The following EHMT1 variants were observed in gnomAD, a reference collection of about 807,000 sequenced individuals.
EHMT1 encodes euchromatic histone lysine methyltransferase 1.
EHMT1 carries 15 observed loss-of-function variants against 147.2 expected under a neutral mutation model. The observed-to-expected ratio is 0.10, with a 90% confidence interval of 0.07 to 0.16. EHMT1 has a LOEUF of 0.16. EHMT1 is among the 10% of genes least tolerant of loss of function. The pLI is 1.00. For missense variants in EHMT1, 1,587 were observed against 1,772.4 expected (o/e 0.90, Z 1.88); for synonymous variants, 795 against 709.6 (o/e 1.12, Z -1.91).
At chr9:137,668,614 G>A (rs1179970306) in intron 1 of EHMT1, among the ~76,000 whole-genome samples, 2 of 151,980 alleles carry the variant, frequency 1.3e-5, no homozygotes, top group Non-Finnish European at 2.9e-5. Flanking sequence ...GTTCCTTCCC[G>A]TGTCCCCCAC....
At chr9:137,682,347 C>G (rs74370409) in intron 1 of EHMT1, among the ~76,000 whole-genome samples, 1,648 of 152,190 alleles carry the variant, frequency 0.011, 15 homozygotes, top group Middle Eastern at 0.02. Flanking sequence ...GTTTTTTCCC[C>G]CCAGTACCAA....
chr9:137,789,370 T>C (rs1459393553), intron 15 of EHMT1: 1 of 152,412 alleles, frequency 6.6e-6, no homozygotes, highest in African/African-American at 2.4e-5. Context: ...TTCACCAGGA[T>C]TTTTGGGGTC....
At chr9:137,683,363 G>A (rs557245878) in intron 1 of EHMT1, among the ~76,000 whole-genome samples, 1 of 152,260 alleles carries the variant, frequency 6.6e-6, no homozygotes, top group African/African-American at 2.4e-5. Flanking sequence ...ATAAGGCTGG[G>A]AGGGGGAGTA....
At chr9:137,711,100 T>C in intron 2 of EHMT1, 70 bp downstream of exon 2, 1 of 1,478,874 alleles carries the variant, frequency 6.8e-7, no homozygotes, top group Non-Finnish European at 9.2e-7. Context: ...CTGCTCTTCC[T>C]CTCTTATTAG....
At chr9:137,657,427 G>A (rs1308394423) in intron 1 of EHMT1, among the ~76,000 whole-genome samples, 1 of 152,040 alleles carries the variant, frequency 6.6e-6, no homozygotes, top group Non-Finnish European at 1.5e-5. Context: ...AGGATGAGAG[G>A]GTGGTGGTTT....
intron 25 of EHMT1, among the ~76,000 whole-genome samples, chr9:137,821,301 G>A (rs1267579281): frequency 2.1e-5 from 3 of 145,300 alleles, no homozygotes; most frequent in Non-Finnish European, 4.5e-5. Context: ...TTACAGGCAT[G>A]AGCCACTGCG....
intron 1 of EHMT1, among the ~76,000 whole-genome samples, chr9:137,632,019 G>T (rs1843663171): frequency 6.6e-6 from 1 of 152,216 alleles, no homozygotes; most frequent in Non-Finnish European, 1.5e-5. Context: ...CTTACCTGCA[G>T]TAACGCGCTG....
intron 1 of EHMT1, among the ~76,000 whole-genome samples, chr9:137,670,035 T>G (rs1426684636): frequency 6.6e-6 from 1 of 152,124 alleles, no homozygotes; most frequent in Non-Finnish European, 1.5e-5. Context: ...TGTTTTTGTA[T>G]TTTTAGTAGA....
At chr9:137,779,305 G>C (rs1951194794) in intron 13 of EHMT1, among the ~76,000 whole-genome samples, 2 of 152,254 alleles carry the variant, frequency 1.3e-5, no homozygotes, top group Non-Finnish European at 2.9e-5. Flanking sequence ...GCTGAGCGTA[G>C]ATGAGGTTCC....
intron 1 of EHMT1, chr9:137,641,319 C>CA (rs1778667067): frequency 2.1e-6 from 1 of 468,664 alleles, no homozygotes; most frequent in Admixed American, 2.5e-5. Context: ...GACTCTCATT[C>CA]AGATGAAATT....
chr9:137,752,027 G>A (rs991445126), intron 6 of EHMT1, among the ~76,000 whole-genome samples: 11 of 152,216 alleles, frequency 7.2e-5, no homozygotes, highest in African/African-American at 2.7e-4. Context: ...AGCACCCAGC[G>A]GGTGAGCTCT....
chr9:137,776,829 A>T lies in EHMT1; in HGVS notation c.2003A>T (p.Asp668Val). 1.2e-6 allele frequency: 2 copies of T among 1,613,844 alleles called. No homozygotes were observed. The highest frequency in any genetic ancestry group is 1.7e-6 in the Non-Finnish European group (2 of 1,179,992). ...GGCTCGGCCCTGGAGGGCAGGGCCGACACCACAACGGGCAGGTACCTGGCA... is the reference window on the plus strand; with the variant it reads ...GGCTCGGCCCTGGAGGGCAGGGCCGTCACCACAACGGGCAGGTACCTGGCA... ...EKGSALEGRA[D>V]TTTGSAAGPP... is the part of the protein sequence containing the mutation. The change falls in exon 12 of 27, where the codon GAC (aspartate) becomes GTC (valine). Residue 668 changes from aspartate (D) to valine (V), a missense_variant. Physicochemically the swap from Asp to Val is radical, Grantham distance 152. Coordinates refer to ENST00000460843, the MANE Select transcript of EHMT1 (RefSeq NM_024757.5). The surrounding 1 kb of genome is among the most constrained non-coding windows in gnomAD (Gnocchi z 4.4).
intron 25 of EHMT1, among the ~76,000 whole-genome samples, chr9:137,823,716 C>T (rs1955619521): frequency 6.6e-6 from 1 of 151,994 alleles, no homozygotes; most frequent in African/African-American, 2.4e-5. Flanking sequence ...CGGCCCAACG[C>T]CTGGCTAATT....
chr9:137,824,108 TGTAAAAATGCAA>T (rs1256230892), intron 25 of EHMT1, among the ~76,000 whole-genome samples: 1 of 152,124 alleles, frequency 6.6e-6, no homozygotes, highest in East Asian at 1.9e-4. Flanking sequence ...AGAAGTCTTA[TGTAAAAATGCAA>T]GTTAAGGCCA....
chr9:137,765,543 C>T (rs1264620782), intron 10 of EHMT1, among the ~76,000 whole-genome samples: 7 of 152,096 alleles, frequency 4.6e-5, no homozygotes, highest in Non-Finnish European at 8.8e-5. Flanking sequence ...ACGTAGATCC[C>T]GAAGACCATA....
intron 12 of EHMT1, 55 bp from the exon 13 acceptor site, chr9:137,777,827 G>C (rs1951074386): frequency 3.7e-6 from 6 of 1,606,524 alleles, no homozygotes; most frequent in Non-Finnish European, 5.1e-6. Flanking sequence ...GTCAGAGTCG[G>C]AACAGGCCAT....
At chr9:137,793,927 A>T (rs185062020) in intron 16 of EHMT1, among the ~76,000 whole-genome samples, 2 of 152,338 alleles carry the variant, frequency 1.3e-5, no homozygotes, top group Admixed American at 6.5e-5. Context: ...GTTTTGGGTA[A>T]TGAAAAAGTT....
chr9:137,669,320 C>A (rs572604572), intron 1 of EHMT1, among the ~76,000 whole-genome samples: 2 of 145,956 alleles, frequency 1.4e-5, no homozygotes, highest in African/African-American at 2.6e-5. Context: ...CCTGGAAAGA[C>A]GCCCCCACAG....
chr9:137,720,460 T>C (rs1488588082), intron 3 of EHMT1, among the ~76,000 whole-genome samples: 1 of 152,070 alleles, frequency 6.6e-6, no homozygotes, highest in South Asian at 2.1e-4. Context: ...TGCACCACCC[T>C]GCCCGGCTGA....
Sources: allele counts gnomAD v4.1 joint callset (sites outside exome capture counted in the v4.1 genomes callset), GRCh38; gene constraint gnomAD v4.1.1; non-coding constraint Gnocchi (gnomAD v3.1); transcripts MANE v1.5; gene names NCBI Gene and HGNC (gene_info 2026-07-23, HGNC 2026-07-21).